VAT1L: variants seen among roughly 807,000 people sequenced by gnomAD.
VAT1L encodes the protein vesicle amine transport 1 like.
VAT1L carries 34 observed loss-of-function variants against 44.1 expected under a neutral mutation model. The ratio of observed to expected loss-of-function variants is 0.77; its 90% CI spans 0.59 to 1.03. The LOEUF is 1.03. Among genes scored for constraint, VAT1L ranks in the 50% least tolerant of loss-of-function variants. The probability of loss-of-function intolerance (pLI) is 0.00; values close to 1 mark genes in which losing one functional copy is unlikely to be tolerated. For missense variants in VAT1L, 615 were observed against 538.8 expected, an observed-to-expected ratio of 1.14 and a Z score of -1.40; for synonymous variants, 253 against 202.2, an observed-to-expected ratio of 1.25 and a Z score of -2.13.
chr16:77,924,626 A>C (rs1300610278), intron 7 of VAT1L, among the ~76,000 whole-genome samples: 1 of 151,754 alleles, frequency 6.6e-6, no homozygotes, highest in Non-Finnish European at 1.5e-5. Context: ...ACACCCACCT[A>C]ATTTTTTGTA....
intron 7 of VAT1L, among the ~76,000 whole-genome samples, chr16:77,951,052 C>G (rs1037435201): frequency 6.6e-6 from 1 of 152,042 alleles, no homozygotes; most frequent in Non-Finnish European, 1.5e-5. Context: ...GCGGTCTTGG[C>G]AAAGAAAATA....
intron 2 of VAT1L, among the ~76,000 whole-genome samples, chr16:77,818,788 G>T (rs898669592): frequency 1.3e-5 from 2 of 152,074 alleles, no homozygotes; most frequent in Admixed American, 6.5e-5. Flanking sequence ...TCACTTACTC[G>T]TTTCCAGTTA....
At chr16:77,822,333 C>T (rs2145243467) in intron 2 of VAT1L, among the ~76,000 whole-genome samples, 1 of 152,192 alleles carries the variant, frequency 6.6e-6, no homozygotes, top group South Asian at 2.1e-4. Context: ...GGGGTTTCTC[C>T]ATACTGATCA....
chr16:77,828,879 C>G (rs564362809), intron 3 of VAT1L, among the ~76,000 whole-genome samples: 15 of 152,142 alleles, frequency 9.9e-5, no homozygotes, highest in African/African-American at 3.4e-4. Flanking sequence ...TTTAGCCGAG[C>G]GAAACCCATT....
intron 1 of VAT1L, among the ~76,000 whole-genome samples, chr16:77,812,732 C>T (rs994339074): frequency 6.6e-6 from 1 of 152,164 alleles, no homozygotes; most frequent in Non-Finnish European, 1.5e-5. Flanking sequence ...TCTTCCCTAA[C>T]ATATCTTCAG....
intron 3 of VAT1L, among the ~76,000 whole-genome samples, chr16:77,862,028 T>A (rs1218485100): frequency 6.6e-6 from 1 of 152,238 alleles, no homozygotes; most frequent in Non-Finnish European, 1.5e-5. Context: ...GCTTCTGGGG[T>A]ACCCAAACTA....
intron 7 of VAT1L, among the ~76,000 whole-genome samples, chr16:77,912,832 G>C (rs2017512829): frequency 6.6e-6 from 1 of 152,162 alleles, no homozygotes; most frequent in Non-Finnish European, 1.5e-5. Context: ...CAGATTTTGT[G>C]CTTGGTGAGG....
intron 1 of VAT1L, among the ~76,000 whole-genome samples, chr16:77,811,573 C>T (rs559726728): frequency 1.3e-5 from 2 of 152,228 alleles, no homozygotes; most frequent in South Asian, 4.1e-4. Flanking sequence ...AACTATATAA[C>T]CTTGGACAAG....
At chr16:77,789,955 C>A (rs964894106) in intron 1 of VAT1L, among the ~76,000 whole-genome samples, 9 of 152,192 alleles carry the variant, frequency 5.9e-5, no homozygotes, top group Admixed American at 2.0e-4. Context: ...GGGGAACTTG[C>A]TATTAATCAC....
At chr16:77,842,311 C>T (rs2016715486) in intron 3 of VAT1L, among the ~76,000 whole-genome samples, 1 of 152,134 alleles carries the variant, frequency 6.6e-6, no homozygotes, top group Non-Finnish European at 1.5e-5. Context: ...TAGATGGGTG[C>T]CCACTCAGTG....
intron 1 of VAT1L, among the ~76,000 whole-genome samples, chr16:77,811,654 A>G (rs937686387): frequency 4.6e-5 from 7 of 152,054 alleles, no homozygotes; most frequent in Admixed American, 4.6e-4. Context: ...ATCCCTTAAT[A>G]CCTAACATGT....
At chr16:77,942,221 A>G (rs183043451) in intron 7 of VAT1L, among the ~76,000 whole-genome samples, 12 of 152,338 alleles carry the variant, frequency 7.9e-5, no homozygotes, top group African/African-American at 2.4e-4. Flanking sequence ...ACATGGTGGC[A>G]GGCAAGAGAT....
At position 77,852,241 on chromosome 16, in the gene VAT1L, T is replaced by A. The variant is rs139992567; in HGVS notation, c.580-10507T>A. On this transcript the variant is annotated intron_variant, in intron 3 of 8. Coordinates refer to ENST00000302536, the MANE Select transcript of VAT1L (RefSeq NM_020927.3). ...AGAGCAGAGGAGGGGCTGTCACTGGTGTGTCATCCCGTAGGCCCGGGCTCA... is the reference window on the plus strand; with the variant it reads ...AGAGCAGAGGAGGGGCTGTCACTGGAGTGTCATCCCGTAGGCCCGGGCTCA... Among the ~76,000 whole-genome samples, 1,354 of 152,312 alleles carry A rather than the reference T, an allele frequency of 8.9e-3. 19 individuals carry two copies. Among genetic ancestry groups the A allele is most frequent in the African/African-American group, 0.03 (1,240 of 41,570 alleles).
intron 7 of VAT1L, among the ~76,000 whole-genome samples, chr16:77,922,091 T>C (rs2017617711): frequency 6.6e-6 from 1 of 152,164 alleles, no homozygotes; most frequent in Non-Finnish European, 1.5e-5. Context: ...TAGCACCTAC[T>C]GAGACAAGTT....
chr16:77,841,895 CT>C (rs200350907), intron 3 of VAT1L, among the ~76,000 whole-genome samples: 16 of 148,474 alleles, frequency 1.1e-4, no homozygotes, highest in South Asian at 6.5e-4. Context: ...TTTTCTTTTT[CT>C]TTTTTTTTTG....
rs1040826419 is a variant in VAT1L at position 77,854,289 on chromosome 16, C to T, written c.580-8459C>T. On this transcript the variant is annotated intron_variant, in intron 3 of 8. Transcript: ENST00000302536. ...CACCTGTGTGTCACAGCGCATATCA[C>T]GTGTAGGTCAACAGCTTTGCAGTGA... Among the ~76,000 whole-genome samples the T allele has an allele frequency of 3.5e-4, 53 of 152,186 alleles. 1 individual carries two copies. Among genetic ancestry groups the T allele is most frequent in the Non-Finnish European group, 1.8e-4 (12 of 68,044 alleles).
intron 7 of VAT1L, among the ~76,000 whole-genome samples, chr16:77,906,241 G>A (rs2017435336): frequency 6.6e-6 from 1 of 152,192 alleles, no homozygotes. Context: ...GAGATTTGAT[G>A]TTTAAACTCA....
chr16:77,936,866 G>C (rs964976292), intron 7 of VAT1L, among the ~76,000 whole-genome samples: 3 of 102,880 alleles, frequency 2.9e-5, no homozygotes, highest in Non-Finnish European at 6.2e-5. Flanking sequence ...GGGTTTGTTT[G>C]GTTTCTTGTT....
intron 1 of VAT1L, among the ~76,000 whole-genome samples, chr16:77,814,935 C>T (rs560432544): frequency 9.2e-5 from 14 of 152,318 alleles, no homozygotes; most frequent in East Asian, 5.8e-4. Context: ...TGAATACTGA[C>T]TATGTACGTG....
Sources: allele counts gnomAD v4.1 joint callset (sites outside exome capture counted in the v4.1 genomes callset), GRCh38; gene constraint gnomAD v4.1.1; transcripts MANE v1.5; gene names NCBI Gene and HGNC (gene_info 2026-07-23, HGNC 2026-07-21).